ARHGEF7: variants seen among roughly 807,000 people sequenced by gnomAD.
ARHGEF7 encodes the protein Rho guanine nucleotide exchange factor 7, also known as PAK-interacting exchange factor beta.
In ARHGEF7, 33 loss-of-function variants were observed where a neutral mutation model predicts 109.8. The observed-to-expected ratio is 0.30, with a 90% CI of 0.23 to 0.40. The LOEUF (loss-of-function observed/expected upper bound fraction) is 0.40. Among genes scored for constraint, ARHGEF7 ranks in the 10% least tolerant of loss-of-function variants. ARHGEF7 has a pLI of 1.00. For synonymous variants in ARHGEF7, 458 were observed against 424.6 expected, an observed-to-expected ratio of 1.08 and a Z score of -0.97; for missense variants, 938 against 1,098.5, an observed-to-expected ratio of 0.85 and a Z score of 2.07.
At chr13:111,291,099 G>A (rs545916535) in intron 18 of ARHGEF7, among the ~76,000 whole-genome samples, 1 of 152,302 alleles carries the variant, frequency 6.6e-6, no homozygotes, top group African/African-American at 2.4e-5. Flanking sequence ...TGTAGTTCTC[G>A]CAGTCTGAGA....
rs1370774602 is a variant in ARHGEF7, at chr13:111,228,576, G to C, written c.671-4629G>C. On this transcript the variant is annotated intron_variant, in intron 5 of 21. Coordinates refer to ENST00000646102, the MANE Select transcript of ARHGEF7 (RefSeq NM_001354046.2). This position sits in a 1 kb window ranked among gnomAD's most constrained non-coding sequence, Gnocchi z 4.6. ...ATATTTTTAAGTTTCTAAAAGTTTG[G>C]GAAAAAGTAATGGCACAATTATAAC... Among the ~76,000 whole-genome samples the C allele has an allele frequency of 1.3e-5, 2 of 152,094 alleles. No individual in the cohort carries two copies. Among genetic ancestry groups the C allele is most frequent in the African/African-American group, 4.8e-5 (2 of 41,402 alleles).
chr13:111,143,513 C>G (rs569970639), intron 1 of ARHGEF7: 3 of 152,334 alleles, frequency 2.0e-5, no homozygotes, highest in Admixed American at 2.0e-4. Context: ...ATGGGCAGCT[C>G]TGATTCACAG....
chr13:111,225,233 A>C (rs1406305396), intron 5 of ARHGEF7, among the ~76,000 whole-genome samples: 2 of 152,070 alleles, frequency 1.3e-5, no homozygotes, highest in East Asian at 3.9e-4. Flanking sequence ...CCAGTATTAG[A>C]GCTTCTCTTT....
chr13:111,293,757 G>A (rs2093358252), intron 19 of ARHGEF7: 10 of 985,238 alleles, frequency 1.0e-5, no homozygotes, highest in African/African-American at 3.5e-5. Context: ...CCAGGTGGCC[G>A]TGATTTCTTT....
intron 3 of ARHGEF7, chr13:111,209,235 A>G (rs1375844666): frequency 1.3e-5 from 2 of 151,966 alleles, no homozygotes; most frequent in Non-Finnish European, 2.9e-5. Flanking sequence ...ATAAATTGCT[A>G]TTATTTATTT....
chr13:111,192,209 T>C (rs1417508755), intron 2 of ARHGEF7, among the ~76,000 whole-genome samples: 1 of 152,130 alleles, frequency 6.6e-6, no homozygotes, highest in African/African-American at 2.4e-5. Flanking sequence ...GTGTCCAAAA[T>C]TTAACTCGGG....
intron 20 of ARHGEF7, among the ~76,000 whole-genome samples, 189 bp from the exon 21 acceptor site, chr13:111,301,289 C>T (rs919384018): frequency 2.0e-5 from 3 of 152,112 alleles, no homozygotes; most frequent in African/African-American, 7.2e-5. Flanking sequence ...CTGAAGTTGC[C>T]CTTGACTAGG....
chr13:111,166,019 A>G (rs561421646), intron 2 of ARHGEF7, among the ~76,000 whole-genome samples: 134 of 152,276 alleles, frequency 8.8e-4, no homozygotes, highest in Non-Finnish European at 1.2e-3. Context: ...ACTCCCTGCC[A>G]TTAATCATCT....
intron 2 of ARHGEF7, among the ~76,000 whole-genome samples, chr13:111,195,126 C>A (rs1417796294): frequency 1.3e-5 from 2 of 152,124 alleles, no homozygotes; most frequent in African/African-American, 4.8e-5. Flanking sequence ...GAGCTTCAGG[C>A]CTTAAGGGAT....
intron 17 of ARHGEF7, among the ~76,000 whole-genome samples, chr13:111,287,188 T>C (rs1402101242): frequency 6.6e-6 from 1 of 152,216 alleles, no homozygotes; most frequent in Non-Finnish European, 1.5e-5. Flanking sequence ...GTCACCATCC[T>C]GACTGTCCTT....
intron 4 of ARHGEF7, 98 bp from the exon 5 acceptor site, chr13:111,217,581 C>T: frequency 8.7e-7 from 1 of 1,154,104 alleles, no homozygotes; most frequent in Non-Finnish European, 1.3e-6. Flanking sequence ...TACTGTTGGG[C>T]AATTATGCTA....
chr13:111,254,025 G>A (rs150169886), intron 8 of ARHGEF7, among the ~76,000 whole-genome samples: 2 of 152,332 alleles, frequency 1.3e-5, no homozygotes, highest in African/African-American at 4.8e-5. Flanking sequence ...GGAGGACTGT[G>A]AGGGAAGCCT....
At chr13:111,120,056 T>G (rs1022564769) in intron 1 of ARHGEF7, among the ~76,000 whole-genome samples, 1 of 152,220 alleles carries the variant, frequency 6.6e-6, no homozygotes, top group Non-Finnish European at 1.5e-5. Flanking sequence ...TTATATCAAG[T>G]TGCTTCTAAC....
At chr13:111,148,387 C>G (rs1048899493) in intron 1 of ARHGEF7, among the ~76,000 whole-genome samples, 1 of 152,228 alleles carries the variant, frequency 6.6e-6, no homozygotes, top group Non-Finnish European at 1.5e-5. Flanking sequence ...TACAGTTTTC[C>G]AAACAAGTAT....
rs568528379 is a variant in ARHGEF7 at position 111,254,479 on chromosome 13, C to T, written c.950+10185C>T. Among the ~76,000 whole-genome samples the T allele has an allele frequency of 1.2e-3, 161 of 137,652 alleles. 9 individuals are homozygous for T. The highest frequency in any genetic ancestry group is 3.8e-3 in the African/African-American group (132 of 34,640). 90.3% of individuals were successfully genotyped at this position (137,652 alleles called of 152,430 possible). A position where few individuals can be genotyped will look rare whatever the true frequency, so the allele number is the denominator to read the frequency against. On this transcript the variant is annotated intron_variant, in intron 8 of 21. Transcript: ENST00000646102. Reference sequence around the variant, plus strand: ...GGCGCTGAGTCGCTAACATGAAGGCCGGCCTCAGAAGAGGATTCGGGCTAA... The same window carrying T: ...GGCGCTGAGTCGCTAACATGAAGGCTGGCCTCAGAAGAGGATTCGGGCTAA...
Position 111,300,865 on chromosome 13 carries a change from A to G in ARHGEF7, c.2411+18A>G. 1 of 1,535,510 alleles carries G rather than the reference A, an allele frequency of 6.5e-7. No individual in the cohort carries two copies. Among genetic ancestry groups the G allele is most frequent in the Non-Finnish European group, 9.0e-7 (1 of 1,115,154 alleles). On this transcript the variant is annotated intron_variant, in intron 20 of 21. Transcript: ENST00000646102. Reference sequence around the variant, plus strand: ...GAAGAAAAGTAAGATGTCTTCCGGTATTCTAAAGCAGATGTTTGACCTCTG... The same window carrying G: ...GAAGAAAAGTAAGATGTCTTCCGGTGTTCTAAAGCAGATGTTTGACCTCTG...
chr13:111,211,993 G>A (rs2153478515), intron 4 of ARHGEF7, among the ~76,000 whole-genome samples: 1 of 152,282 alleles, frequency 6.6e-6, no homozygotes. Flanking sequence ...CTGAGGGGCT[G>A]GTGTTGTTTA....
intron 8 of ARHGEF7, among the ~76,000 whole-genome samples, chr13:111,262,589 T>C (rs747171907): frequency 6.6e-6 from 1 of 152,230 alleles, no homozygotes; most frequent in Non-Finnish European, 1.5e-5. Context: ...TCAGTTTCCA[T>C]CTGAAATCAC....
At position 111,272,625 on chromosome 13, in the gene ARHGEF7, G is replaced by T. The variant is rs1282995413; in HGVS notation, c.1074-1189G>T. ...TAGAGACCCCTATCTTCTAGGATGG[G>T]GCGTGGTGATGGGGCGGGGGTCACC... On this transcript the variant is annotated intron_variant, in intron 9 of 21. Transcript: ENST00000646102. The surrounding 1 kb of genome is among the most constrained non-coding windows in gnomAD (Gnocchi z 5.2). Among the ~76,000 whole-genome samples the T allele has an allele frequency of 2.6e-5, 4 of 152,136 alleles. No homozygotes were observed. The highest frequency in any genetic ancestry group is 5.9e-5 in the Non-Finnish European group (4 of 68,022).
Sources: gnomAD v4.1 joint callset for allele counts (sites outside exome capture counted in the v4.1 genomes callset) on GRCh38, gnomAD v4.1.1 for gene constraint, Gnocchi (gnomAD v3.1) non-coding constraint, MANE v1.5 for transcripts, NCBI Gene and HGNC (gene_info 2026-07-23, HGNC 2026-07-21) for gene names.